Variants in HSPA12A observed in about 807,000 individuals in gnomAD.
HSPA12A encodes the protein heat shock 70 kDa protein 12A.
Under a neutral mutation model 69.2 loss-of-function variants are expected in HSPA12A, and 28 were observed. The ratio of observed to expected loss-of-function variants is 0.40; its 90% CI spans 0.30 to 0.55. HSPA12A has a LOEUF of 0.55. Among genes scored for constraint, HSPA12A ranks in the 20% least tolerant of loss-of-function variants. HSPA12A has a pLI of 0.38. For missense variants in HSPA12A, 686 were observed against 900.7 expected (o/e 0.76, Z 3.05); for synonymous variants, 345 against 370.5 (o/e 0.93, Z 0.79).
At chr10:116,807,681 C>T (rs1376601210) in intron 2 of HSPA12A, among the ~76,000 whole-genome samples, 3 of 152,196 alleles carry the variant, frequency 2.0e-5, no homozygotes, top group African/African-American at 7.2e-5. Context: ...GTAAGTGAGG[C>T]TCACAGAGGT....
At chr10:116,681,682 C>T in intron 8 of HSPA12A, 109 bp downstream of exon 8, 1 of 894,040 alleles carries the variant, frequency 1.1e-6, no homozygotes, top group Non-Finnish European at 1.8e-6. Flanking sequence ...TCTTTAGAAC[C>T]CACTGAGTTT....
At chr10:116,825,205 T>A (rs1351671158) in intron 2 of HSPA12A, among the ~76,000 whole-genome samples, 3 of 145,144 alleles carry the variant, frequency 2.1e-5, no homozygotes, top group African/African-American at 5.0e-5. Flanking sequence ...AAAAAATAAG[T>A]AAATTTAAAA....
At chr10:116,695,114 T>C (rs1295140265) in intron 5 of HSPA12A, among the ~76,000 whole-genome samples, 1 of 152,096 alleles carries the variant, frequency 6.6e-6, no homozygotes, top group African/African-American at 2.4e-5. Flanking sequence ...GCTCCCCAAA[T>C]GACCCTGTGG....
At chr10:116,843,975 C>T (rs2133225698) in intron 1 of HSPA12A, among the ~76,000 whole-genome samples, 1 of 152,306 alleles carries the variant, frequency 6.6e-6, no homozygotes, top group East Asian at 1.9e-4. Context: ...AACCAATGAT[C>T]AAGACACCAC....
At chr10:116,767,004 G>A (rs1193142261) in intron 2 of HSPA12A, among the ~76,000 whole-genome samples, 4 of 152,188 alleles carry the variant, frequency 2.6e-5, no homozygotes, top group African/African-American at 9.6e-5. Flanking sequence ...AGGGAACTGA[G>A]GAGGGAACGC....
chr10:116,772,937 AG>A (rs200054100), intron 2 of HSPA12A, among the ~76,000 whole-genome samples: 2,915 of 152,194 alleles, frequency 0.019, 61 homozygotes, highest in East Asian at 0.12. Flanking sequence ...CCTAGTCTCA[AG>A]CAATTCTCCC....
chr10:116,772,250 G>C (rs1266162641), intron 2 of HSPA12A, among the ~76,000 whole-genome samples: 9 of 152,194 alleles, frequency 5.9e-5, no homozygotes, highest in African/African-American at 2.2e-4. Flanking sequence ...TGAAGCCATT[G>C]AGTGGAGGAG....
At position 116,707,709 on chromosome 10, in the gene HSPA12A, C is replaced by T. The variant is rs543700845; in HGVS notation, c.41-424G>A. 7.9e-5 allele frequency among the ~76,000 whole-genome samples: 12 copies of T among 152,310 alleles called. 1 individual carries two copies. The South Asian group carries it at 2.5e-3, about 32-fold the overall frequency. Reference sequence around the variant, plus strand: ...ATTTTCTTGGAAGAGCATCTACAGCCCTCGGGTTCCCAAAGGGGTGAGGGG... The same window carrying T: ...ATTTTCTTGGAAGAGCATCTACAGCTCTCGGGTTCCCAAAGGGGTGAGGGG... On this transcript the variant is annotated intron_variant, in intron 1 of 11. Transcript: ENST00000369209.
chr10:116,717,156 GGT>G (rs1188066570), intron 1 of HSPA12A, among the ~76,000 whole-genome samples: 1 of 152,080 alleles, frequency 6.6e-6, no homozygotes, highest in Non-Finnish European at 1.5e-5. Context: ...CCATTCTGTA[GGT>G]GACAAAATGA....
At chr10:116,685,801 G>A (rs1289168176) in intron 6 of HSPA12A, among the ~76,000 whole-genome samples, 1 of 152,164 alleles carries the variant, frequency 6.6e-6, no homozygotes, top group African/African-American at 2.4e-5. Context: ...ACTACCAGCA[G>A]GCAGGTGACT....
chr10:116,717,586 C>A (rs1424880955), intron 1 of HSPA12A, among the ~76,000 whole-genome samples: 2 of 152,164 alleles, frequency 1.3e-5, no homozygotes, highest in Non-Finnish European at 1.5e-5. Flanking sequence ...TAGATGCATG[C>A]CACTGGGTGG....
chr10:116,805,050 C>T (rs1257460969), intron 2 of HSPA12A, among the ~76,000 whole-genome samples: 1 of 152,176 alleles, frequency 6.6e-6, no homozygotes, highest in Non-Finnish European at 1.5e-5. Flanking sequence ...GGCGCGGTGG[C>T]TCACGCCTGT....
At chr10:116,836,205 G>C (rs1205914383) in intron 1 of HSPA12A, among the ~76,000 whole-genome samples, 1 of 152,168 alleles carries the variant, frequency 6.6e-6, no homozygotes, top group African/African-American at 2.4e-5. Flanking sequence ...TCCAGCTGCG[G>C]AGCTTATTGA....
At chr10:116,766,848 C>T (rs1554889806) in intron 2 of HSPA12A, among the ~76,000 whole-genome samples, 1 of 152,134 alleles carries the variant, frequency 6.6e-6, no homozygotes, top group Non-Finnish European at 1.5e-5. Flanking sequence ...AAATAAAATG[C>T]TAGGAACTTA....
chr10:116,767,345 C>A (rs1844101777), intron 2 of HSPA12A, among the ~76,000 whole-genome samples: 1 of 152,172 alleles, frequency 6.6e-6, no homozygotes, highest in Admixed American at 6.5e-5. Context: ...CCCCTTCCTC[C>A]CATCCTGCAC....
At chr10:116,818,492 C>T (rs552287050) in intron 2 of HSPA12A, among the ~76,000 whole-genome samples, 59 of 151,898 alleles carry the variant, frequency 3.9e-4, no homozygotes, top group African/African-American at 1.4e-3. Context: ...CCCAGCCCAG[C>T]GAGGTAGACT....
At chr10:116,792,898 A>G (rs1211973846) in intron 2 of HSPA12A, among the ~76,000 whole-genome samples, 2 of 152,216 alleles carry the variant, frequency 1.3e-5, no homozygotes, top group Non-Finnish European at 2.9e-5. Flanking sequence ...ACTGATGACT[A>G]AAAAGACAAA....
Position 116,682,454 on chromosome 10 carries a change from C to CT in HSPA12A, c.836-578dup, listed in dbSNP as rs1474265552. Among the ~76,000 whole-genome samples, 434 of 140,970 alleles carry CT rather than the reference C, an allele frequency of 3.1e-3. 3 individuals are homozygous for CT. Among genetic ancestry groups the CT allele is most frequent in the African/African-American group, 0.012 (418 of 33,450 alleles). 92.5% of individuals were successfully genotyped at this position (140,970 alleles called of 152,430 possible). On this transcript the variant is annotated intron_variant, in intron 7 of 11. Transcript: ENST00000369209. ...CTAACATGCACCCTGGGTAAATAGA[C>CT]TGGGGGGGGGGGCCATTTCCTGACC...
intron 5 of HSPA12A, among the ~76,000 whole-genome samples, chr10:116,694,479 C>G (rs1849826125): frequency 6.6e-6 from 1 of 152,198 alleles, no homozygotes; most frequent in Non-Finnish European, 1.5e-5. Context: ...TCTGGCTGAG[C>G]TGAGGAATTC....
Sources: allele counts gnomAD v4.1 joint callset (sites outside exome capture counted in the v4.1 genomes callset), GRCh38; gene constraint gnomAD v4.1.1; transcripts MANE v1.5; gene names NCBI Gene and HGNC (gene_info 2026-07-23, HGNC 2026-07-21).